CSMD3: variants seen among roughly 807,000 people sequenced by gnomAD.
CSMD3 encodes CUB and sushi domain-containing protein 3.
Under a neutral mutation model 435.2 loss-of-function variants are expected in CSMD3, and 177 were observed. The observed-to-expected ratio is 0.41, with a 90% CI of 0.36 to 0.46. The LOEUF (loss-of-function observed/expected upper bound fraction) is 0.46. CSMD3 is among the 20% of genes least tolerant of loss of function. CSMD3 has a pLI of 0.34. For synonymous variants in CSMD3, 1,656 were observed against 1,520.5 expected (o/e 1.09, Z -2.07); for missense variants, 4,265 against 4,504.6 (o/e 0.95, Z 1.52).
intron 6 of CSMD3, among the ~76,000 whole-genome samples, chr8:112,982,916 C>T (rs1224992693): frequency 6.6e-6 from 1 of 151,816 alleles, no homozygotes; most frequent in Admixed American, 6.6e-5. Context: ...TAATGCAAAA[C>T]ACACTTATAA....
At chr8:112,951,692 T>G (rs2083818026) in intron 8 of CSMD3, among the ~76,000 whole-genome samples, 1 of 151,750 alleles carries the variant, frequency 6.6e-6, no homozygotes, top group Non-Finnish European at 1.5e-5. Flanking sequence ...TTATTCACTC[T>G]TTTACCTTCT....
intron 4 of CSMD3, among the ~76,000 whole-genome samples, chr8:113,167,135 T>A (rs1469180220): frequency 3.3e-5 from 5 of 152,146 alleles, no homozygotes; most frequent in African/African-American, 4.8e-5. Context: ...CTTAGTTTTT[T>A]AAATATTCTC....
At chr8:112,405,897 G>T (rs2130008866) in intron 35 of CSMD3, among the ~76,000 whole-genome samples, 1 of 152,068 alleles carries the variant, frequency 6.6e-6, no homozygotes, top group Middle Eastern at 3.4e-3. Flanking sequence ...TTATTTCAAA[G>T]GATGACTACC....
chr8:113,208,276 C>T (rs553067770), intron 3 of CSMD3, among the ~76,000 whole-genome samples: 1 of 152,032 alleles, frequency 6.6e-6, no homozygotes, highest in South Asian at 2.1e-4. Context: ...GGTCAGAAAC[C>T]GGGACCAGAG....
At chr8:112,308,832 G>A (rs1334292868) in intron 50 of CSMD3, among the ~76,000 whole-genome samples, 2 of 151,936 alleles carry the variant, frequency 1.3e-5, no homozygotes, top group African/African-American at 4.8e-5. Flanking sequence ...TGTATGTCAG[G>A]ATGTATAAGA....
At chr8:112,915,527 A>T (rs2082547584) in intron 10 of CSMD3, among the ~76,000 whole-genome samples, 1 of 151,902 alleles carries the variant, frequency 6.6e-6, no homozygotes, top group African/African-American at 2.4e-5. Flanking sequence ...TAGCATTTTC[A>T]ACAATGACAT....
At position 113,173,709 on chromosome 8, in the gene CSMD3, G is replaced by A; in HGVS notation, c.709+13C>T. The stretch of plus-strand genomic sequence containing the variant: ...TGATAACAACTCTCATTTTTAAAGT[G>A]TTTTCATTTTACCTCTACAGATAGG... On this transcript the variant is annotated intron_variant, in intron 4 of 70. Coordinates refer to ENST00000297405, the MANE Select transcript of CSMD3 (RefSeq NM_198123.2). The A allele has an allele frequency of 3.8e-6, 6 of 1,587,772 alleles. No individual in the cohort carries two copies. The highest frequency in any genetic ancestry group is 1.1e-5 in the South Asian group (1 of 90,502).
chr8:113,213,441 C>T (rs1358650782), intron 3 of CSMD3, among the ~76,000 whole-genome samples: 1 of 152,024 alleles, frequency 6.6e-6, no homozygotes, highest in Admixed American at 6.6e-5. Context: ...CTTCTTAACA[C>T]TGTTACCTTT....
intron 32 of CSMD3, among the ~76,000 whole-genome samples, chr8:112,410,616 G>GTATATATATATGTATATATATATGTA (rs200328572): frequency 5.9e-5 from 4 of 67,590 alleles, no homozygotes; most frequent in African/African-American, 1.0e-4. Context: ...ATATATATAT[G>GTATATATATATGTATATATATATGTA]TATATATATG....
At chr8:113,053,198 A>G (rs901797087) in intron 5 of CSMD3, among the ~76,000 whole-genome samples, 4 of 152,164 alleles carry the variant, frequency 2.6e-5, no homozygotes, top group Admixed American at 6.6e-5. Context: ...AAATATGGGC[A>G]TATCTCCCTT....
At chr8:112,239,894 G>C (rs1012869711) in intron 66 of CSMD3, among the ~76,000 whole-genome samples, 23 of 151,912 alleles carry the variant, frequency 1.5e-4, no homozygotes, top group Non-Finnish European at 8.8e-5. Flanking sequence ...TTATTACATT[G>C]ATTTCTGCCC....
chr8:112,598,924 A>G (rs1439641162), intron 22 of CSMD3, among the ~76,000 whole-genome samples: 1 of 151,694 alleles, frequency 6.6e-6, no homozygotes, highest in Non-Finnish European at 1.5e-5. Flanking sequence ...CCCTAGAAGA[A>G]AACCTAGGCA....
intron 32 of CSMD3, among the ~76,000 whole-genome samples, chr8:112,409,898 T>C (rs929358864): frequency 1.3e-5 from 2 of 152,006 alleles, no homozygotes; most frequent in African/African-American, 4.8e-5. Context: ...AATATTTCAT[T>C]GGTAAAATTG....
intron 2 of CSMD3, among the ~76,000 whole-genome samples, chr8:113,293,316 T>G (rs1182550502): frequency 6.6e-6 from 1 of 151,762 alleles, no homozygotes; most frequent in Non-Finnish European, 1.5e-5. Flanking sequence ...AAACCTGAAT[T>G]TGGAGATTAG....
At chr8:112,336,561 T>C (rs1824578294) in intron 44 of CSMD3, 91 bp downstream of exon 44, 1 of 1,014,190 alleles carries the variant, frequency 9.9e-7, no homozygotes, top group Non-Finnish European at 1.5e-6. Flanking sequence ...CAGATGACAA[T>C]TTGTAACAGA....
chr8:112,563,058 G>T (rs778243193), intron 24 of CSMD3, among the ~76,000 whole-genome samples: 1 of 151,468 alleles, frequency 6.6e-6, no homozygotes, highest in African/African-American at 2.4e-5. Flanking sequence ...CAGAATTCAC[G>T]AACAGGGAAT....
intron 38 of CSMD3, among the ~76,000 whole-genome samples, chr8:112,373,896 C>T (rs1338868715): frequency 6.6e-6 from 1 of 152,060 alleles, no homozygotes; most frequent in East Asian, 1.9e-4. Flanking sequence ...TTTCTGATTG[C>T]CCTGCTGGAT....
At chr8:112,879,626 G>A (rs566119425) in intron 10 of CSMD3, among the ~76,000 whole-genome samples, 3 of 152,104 alleles carry the variant, frequency 2.0e-5, no homozygotes, top group Non-Finnish European at 2.9e-5. Context: ...GGAACCTGCC[G>A]ACATGTGATG....
chr8:112,862,585 G>A (rs920980310), intron 10 of CSMD3, among the ~76,000 whole-genome samples: 1 of 151,926 alleles, frequency 6.6e-6, no homozygotes, highest in Non-Finnish European at 1.5e-5. Context: ...CAAATACAGT[G>A]AAGATCTTGG....
Sources: gnomAD v4.1 joint callset for allele counts (sites outside exome capture counted in the v4.1 genomes callset) on GRCh38, gnomAD v4.1.1 for gene constraint, MANE v1.5 for transcripts, NCBI Gene and HGNC (gene_info 2026-07-23, HGNC 2026-07-21) for gene names.